The following RGS6 variants were observed in gnomAD, a reference collection of about 807,000 sequenced individuals.
RGS6 encodes the protein regulator of G protein signaling 6.
A neutral mutation model predicts 78.5 loss-of-function variants in RGS6; 30 were observed. That is an observed-to-expected ratio of 0.38 (90% confidence interval 0.29 to 0.52). The LOEUF is 0.52. Ranked by LOEUF, RGS6 falls within the 20% of genes least tolerant of loss-of-function variation. The pLI, the probability that RGS6 is intolerant of heterozygous loss-of-function variation, is 0.85. For missense variants in RGS6, 495 were observed against 609.7 expected (o/e 0.81, Z 1.98); for synonymous variants, 206 against 206.0 (o/e 1.00, Z 0.00).
At chr14:72,193,752 G>C (rs2039317384) in intron 2 of RGS6, among the ~76,000 whole-genome samples, 1 of 152,208 alleles carries the variant, frequency 6.6e-6, no homozygotes. Flanking sequence ...ATGACATGAA[G>C]TTCTGGGAGA....
At chr14:72,369,208 A>T (rs752808142) in intron 3 of RGS6, among the ~76,000 whole-genome samples, 29 of 152,242 alleles carry the variant, frequency 1.9e-4, no homozygotes, top group Non-Finnish European at 3.8e-4. Context: ...AATGACATGT[A>T]TCCTTACAAA....
intron 17 of RGS6, among the ~76,000 whole-genome samples, chr14:72,556,316 T>TAAC (rs1357891758): frequency 1.3e-5 from 2 of 152,034 alleles, no homozygotes; most frequent in East Asian, 1.9e-4. Context: ...GAGTGTGTAT[T>TAAC]AACACTTAAA....
At chr14:71,995,143 C>T (rs1480953398) in intron 2 of RGS6, among the ~76,000 whole-genome samples, 4 of 152,196 alleles carry the variant, frequency 2.6e-5, no homozygotes, top group Admixed American at 2.6e-4. Flanking sequence ...CTCCAAACCC[C>T]TTTTCCCTCA....
At chr14:71,984,420 G>C (rs1221056133) in intron 2 of RGS6, among the ~76,000 whole-genome samples, 1 of 145,584 alleles carries the variant, frequency 6.9e-6, no homozygotes, top group Non-Finnish European at 1.5e-5. Flanking sequence ...TGAGATGGGA[G>C]GATCCCTTGA....
chr14:72,132,914 A>G lies in RGS6; in HGVS notation c.84+168039A>G, dbSNP rs576233979. On this transcript the variant is annotated intron_variant, in intron 2 of 17. Coordinates refer to ENST00000553525, the MANE Select transcript of RGS6 (RefSeq NM_001204424.2). ...TTGTTCGTAGGGAAGATTCAGTAAA[A>G]GGACATTTGGCATCAGACTAAAGGA... Among the ~76,000 whole-genome samples, 9 of 152,140 alleles carry G rather than the reference A, an allele frequency of 5.9e-5. No homozygotes were observed. In the East Asian group the frequency reaches 1.5e-3, roughly 26 times the overall value.
intron 2 of RGS6, among the ~76,000 whole-genome samples, chr14:72,206,486 C>T (rs538332438): frequency 1.1e-4 from 17 of 152,152 alleles, no homozygotes; most frequent in Non-Finnish European, 2.2e-4. Flanking sequence ...GTGTGTCACA[C>T]ACACACAGCA....
chr14:72,052,961 CTTTCTTTCTTTCTTTCTTTCTT>C (rs1567105508), intron 2 of RGS6, among the ~76,000 whole-genome samples: 52 of 42,622 alleles, frequency 1.2e-3, no homozygotes, highest in Non-Finnish European at 1.5e-3. Flanking sequence ...TTCTTTCTTT[CTTTCTTTCTTTCTTTCTTTCTT>C]TCTCTCTCTC....
intron 3 of RGS6, among the ~76,000 whole-genome samples, chr14:72,392,829 C>A (rs903551791): frequency 6.6e-6 from 1 of 152,142 alleles, no homozygotes; most frequent in African/African-American, 2.4e-5. Context: ...GTCAAGTGTG[C>A]ACTTTCTGGG....
At chr14:72,509,611 TAAATC>T (rs768162122) in intron 13 of RGS6, among the ~76,000 whole-genome samples, 3 of 152,326 alleles carry the variant, frequency 2.0e-5, no homozygotes, top group Non-Finnish European at 2.9e-5. Context: ...GCATGGTTGT[TAAATC>T]AATAAGTGCA....
chr14:72,628,890 G>A, the RGS6 span, among the ~76,000 whole-genome samples: 2 of 152,170 alleles, frequency 1.3e-5, no homozygotes, highest in Admixed American at 1.3e-4. Context: ...ATAAGATGGA[G>A]GGAAAAGTCT....
intron 1 of RGS6, among the ~76,000 whole-genome samples, chr14:71,934,735 G>A (rs1319985903): frequency 6.6e-6 from 1 of 152,220 alleles, no homozygotes; most frequent in Non-Finnish European, 1.5e-5. Flanking sequence ...CAATTTGCCA[G>A]TAATTTTGGA....
At chr14:72,041,700 C>G (rs2092415399) in intron 2 of RGS6, among the ~76,000 whole-genome samples, 1 of 152,150 alleles carries the variant, frequency 6.6e-6, no homozygotes. Context: ...CTGTTCTTCA[C>G]TTTGTATTTG....
intron 4 of RGS6, among the ~76,000 whole-genome samples, chr14:72,455,152 T>TG (rs5809573): frequency 0.63 from 94,812 of 151,540 alleles, 30,537 homozygotes; most frequent in East Asian, 0.81. Flanking sequence ...AATTAGGAAA[T>TG]GGGGGGGGTG....
At chr14:72,141,547 C>G (rs981816508) in intron 2 of RGS6, among the ~76,000 whole-genome samples, 1 of 152,122 alleles carries the variant, frequency 6.6e-6, no homozygotes, top group Non-Finnish European at 1.5e-5. Context: ...GAGAGAAATA[C>G]GTTCCTTATA....
At chr14:72,496,333 T>C (rs1487343089) in intron 13 of RGS6, among the ~76,000 whole-genome samples, 1 of 152,262 alleles carries the variant, frequency 6.6e-6, no homozygotes, top group African/African-American at 2.4e-5. Flanking sequence ...ACATGGCAGA[T>C]ACTGCATAAA....
At position 72,307,474 on chromosome 14, in the gene RGS6, A is replaced by G. The variant is rs189393384; in HGVS notation, c.85-44621A>G. ...TCTGGAATCTATGCTGATATAAGGT[A>G]TGAGATAAAGATCTATAATTTGTTT... is the stretch of plus-strand genomic sequence containing the variant. On this transcript the variant is annotated intron_variant, in intron 2 of 17. Transcript: ENST00000553525. Among the ~76,000 whole-genome samples, 800 of 152,272 alleles carry G rather than the reference A, an allele frequency of 5.3e-3. 8 individuals are homozygous for G. Among genetic ancestry groups the G allele is most frequent in the Non-Finnish European group, 5.5e-3 (374 of 67,994 alleles).
intron 2 of RGS6, among the ~76,000 whole-genome samples, chr14:72,113,260 A>G (rs1420151968): frequency 6.6e-6 from 1 of 152,246 alleles, no homozygotes; most frequent in Non-Finnish European, 1.5e-5. Flanking sequence ...GATCTACCTC[A>G]AGGTAGGTGA....
chr14:72,078,700 G>A (rs1424359352), intron 2 of RGS6, among the ~76,000 whole-genome samples: 1 of 152,178 alleles, frequency 6.6e-6, no homozygotes, highest in Non-Finnish European at 1.5e-5. Context: ...TTACAGGCGT[G>A]AGCCACTGCG....
chr14:72,079,159 G>C (rs1000590861), intron 2 of RGS6, among the ~76,000 whole-genome samples: 90 of 149,200 alleles, frequency 6.0e-4, no homozygotes, highest in African/African-American at 2.1e-3. Flanking sequence ...ATATTTAGAG[G>C]GCCTTTGTGC....
Sources: allele counts gnomAD v4.1 joint callset (sites outside exome capture counted in the v4.1 genomes callset), GRCh38; gene constraint gnomAD v4.1.1; transcripts MANE v1.5; gene names NCBI Gene and HGNC (gene_info 2026-07-23, HGNC 2026-07-21).